The following UNC5C variants were observed in gnomAD, a reference collection of about 807,000 sequenced individuals.
UNC5C encodes unc-5 netrin receptor C, also known as netrin receptor UNC5C.
In UNC5C, 47 loss-of-function variants were observed where a neutral mutation model predicts 99.8. The ratio of observed to expected loss-of-function variants is 0.47; its 90% CI spans 0.37 to 0.60. The LOEUF (loss-of-function observed/expected upper bound fraction) is 0.60. Ranked by LOEUF, UNC5C falls within the 20% of genes least tolerant of loss-of-function variation. The probability of loss-of-function intolerance (pLI) is 0.00; values close to 1 mark genes in which losing one functional copy is unlikely to be tolerated. For synonymous variants in UNC5C, 487 were observed against 452.2 expected (o/e 1.08, Z -0.98); for missense variants, 1,062 against 1,165.9 (o/e 0.91, Z 1.30).
At position 95,329,703 on chromosome 4, in the gene UNC5C, A is replaced by T. The variant is rs929673364; in HGVS notation, c.346+5707T>A. 2.6e-5 allele frequency among the ~76,000 whole-genome samples: 4 copies of T among 152,212 alleles called. No homozygotes were observed. In the South Asian group the frequency reaches 8.3e-4, roughly 31 times the overall value. ...TTTAGGAGATATTTATGTATTTATA[A>T]AATTAGCCCTTTGGCTAATATATAG... On this transcript the variant is annotated intron_variant, in intron 2 of 15. Coordinates refer to ENST00000453304, the MANE Select transcript of UNC5C (RefSeq NM_003728.4).
intron 11 of UNC5C, among the ~76,000 whole-genome samples, chr4:95,206,012 T>C (rs938118618): frequency 1.3e-5 from 2 of 151,818 alleles, no homozygotes; most frequent in East Asian, 3.9e-4. Flanking sequence ...ACTTTTTTTT[T>C]TTTTTTGAGA....
rs1042870205 is a variant in UNC5C at position 95,165,288 on chromosome 4, C to A, written c.*3946G>T. The A allele has an allele frequency of 2.0e-5, 3 of 152,206 alleles. No individual in the cohort carries two copies. The highest frequency in any genetic ancestry group is 2.0e-4 in the Admixed American group (3 of 15,284). 9.4% of individuals were successfully genotyped at this position (152,206 alleles called of 1,614,324 possible). ...GCTCTACTTTTTGATAGTTGAGAGACTTAAATCTATAAAATAGTATATATG... is the reference window on the plus strand; with the variant it reads ...GCTCTACTTTTTGATAGTTGAGAGAATTAAATCTATAAAATAGTATATATG... On this transcript the variant is annotated 3_prime_UTR_variant, in exon 16 of 16. Transcript: ENST00000453304.
intron 1 of UNC5C, among the ~76,000 whole-genome samples, chr4:95,448,301 C>A (rs1183645072): frequency 6.8e-6 from 1 of 147,646 alleles, no homozygotes; most frequent in African/African-American, 2.5e-5. Flanking sequence ...GTGGGAAGAA[C>A]AATGAAGCAT....
At chr4:95,199,835 A>G (rs1226359767) in intron 12 of UNC5C, among the ~76,000 whole-genome samples, 1 of 152,104 alleles carries the variant, frequency 6.6e-6, no homozygotes, top group Non-Finnish European at 1.5e-5. Context: ...TACAGATACC[A>G]TTTTCCCTAA....
At chr4:95,493,576 A>C (rs550594295) in intron 1 of UNC5C, among the ~76,000 whole-genome samples, 1 of 151,560 alleles carries the variant, frequency 6.6e-6, no homozygotes, top group Admixed American at 6.6e-5. Flanking sequence ...AAAAAATGGT[A>C]CTACAAAACA....
intron 1 of UNC5C, among the ~76,000 whole-genome samples, chr4:95,497,130 C>T (rs1387377685): frequency 6.6e-6 from 1 of 151,904 alleles, no homozygotes; most frequent in African/African-American, 2.4e-5. Flanking sequence ...AATTGTGCTG[C>T]TATAAACATG....
At chr4:95,418,202 C>G (rs1489517815) in intron 1 of UNC5C, among the ~76,000 whole-genome samples, 2 of 152,216 alleles carry the variant, frequency 1.3e-5, no homozygotes, top group South Asian at 2.1e-4. Context: ...ACTTTAGACT[C>G]ATATTTTCAC....
At chr4:95,399,638 G>C (rs1321858987) in intron 1 of UNC5C, among the ~76,000 whole-genome samples, 1 of 152,098 alleles carries the variant, frequency 6.6e-6, no homozygotes, top group African/African-American at 2.4e-5. Flanking sequence ...CTTTGCTCTT[G>C]TGTTCACTCT....
rs1197431738 is a variant in UNC5C at position 95,452,662 on chromosome 4, C to T, written c.124+96072G>A. ...AATAGGTAGCACTATCTTCACAGAA[C>T]TTTGGAAACAAGATTAAAATACATT... On this transcript the variant is annotated intron_variant, in intron 1 of 15. Transcript: ENST00000453304. Among the ~76,000 whole-genome samples the T allele has an allele frequency of 2.6e-5, 4 of 152,142 alleles. 1 individual carries two copies. In the South Asian group the frequency reaches 6.2e-4, roughly 24 times the overall value.
chr4:95,547,746 G>T (rs1723110487), intron 1 of UNC5C, among the ~76,000 whole-genome samples: 1 of 152,160 alleles, frequency 6.6e-6, no homozygotes, highest in African/African-American at 2.4e-5. Flanking sequence ...TTTCTTCTGC[G>T]CTCCCTTCCA....
intron 14 of UNC5C, among the ~76,000 whole-genome samples, chr4:95,175,249 A>C (rs1487083586): frequency 6.6e-6 from 1 of 151,528 alleles, no homozygotes; most frequent in Non-Finnish European, 1.5e-5. Context: ...TTACATTTAA[A>C]GTTAATATTG....
intron 2 of UNC5C, among the ~76,000 whole-genome samples, chr4:95,324,038 A>T (rs189204489): frequency 1.1e-4 from 16 of 151,980 alleles, no homozygotes; most frequent in Non-Finnish European, 1.8e-4. Context: ...TCCATCTCAA[A>T]AAATAAATAA....
chr4:95,515,522 C>G (rs567416615), intron 1 of UNC5C, among the ~76,000 whole-genome samples: 1 of 152,140 alleles, frequency 6.6e-6, no homozygotes, highest in East Asian at 1.9e-4. Context: ...CCTTAGTGAG[C>G]CTCAGTTTTT....
At chr4:95,506,840 T>C (rs1578200235) in intron 1 of UNC5C, among the ~76,000 whole-genome samples, 1 of 152,092 alleles carries the variant, frequency 6.6e-6, no homozygotes, top group African/African-American at 2.4e-5. Context: ...ACTATTACTC[T>C]CTTCTAATGC....
intron 10 of UNC5C, among the ~76,000 whole-genome samples, chr4:95,207,118 A>G (rs189105177): frequency 3.5e-4 from 54 of 152,270 alleles, no homozygotes; most frequent in Non-Finnish European, 6.0e-4. Flanking sequence ...TGGAATGAGA[A>G]TGAACAGAGT....
chr4:95,230,511 T>C (rs937216601), intron 7 of UNC5C, among the ~76,000 whole-genome samples: 3 of 152,292 alleles, frequency 2.0e-5, no homozygotes, highest in East Asian at 1.9e-4. Flanking sequence ...TCATGAAGTC[T>C]TTGCCCATGC....
chr4:95,394,223 T>G (rs1745443768), intron 1 of UNC5C, among the ~76,000 whole-genome samples: 2 of 151,920 alleles, frequency 1.3e-5, no homozygotes, highest in Admixed American at 1.3e-4. Context: ...AATAACAGAT[T>G]TCTATCCACT....
intron 1 of UNC5C, among the ~76,000 whole-genome samples, chr4:95,381,994 C>G (rs1745086472): frequency 6.6e-6 from 1 of 152,126 alleles, no homozygotes; most frequent in Non-Finnish European, 1.5e-5. Flanking sequence ...GGCATCCACT[C>G]TCAAGCTCAG....
chr4:95,379,936 T>C (rs532819971), intron 1 of UNC5C, among the ~76,000 whole-genome samples: 68 of 152,294 alleles, frequency 4.5e-4, no homozygotes, highest in African/African-American at 1.4e-3. Context: ...AAGACATAAA[T>C]GGTGGCTGAA....
Sources: allele counts gnomAD v4.1 joint callset (sites outside exome capture counted in the v4.1 genomes callset), GRCh38; gene constraint gnomAD v4.1.1; transcripts MANE v1.5; gene names NCBI Gene and HGNC (gene_info 2026-07-23, HGNC 2026-07-21).